The following BBS2 variants were observed in gnomAD, a reference collection of about 807,000 sequenced individuals.
BBS2 encodes BBSome complex member BBS2.
BBS2 carries 62 observed loss-of-function variants against 83.0 expected under a neutral mutation model. That is an observed-to-expected ratio of 0.75 (90% CI 0.61 to 0.92). The LOEUF is 0.92. Among genes scored for constraint, BBS2 ranks in the 40% least tolerant of loss-of-function variants. The probability of loss-of-function intolerance (pLI) is 0.00; values close to 1 mark genes in which losing one functional copy is unlikely to be tolerated. For synonymous variants in BBS2, 303 were observed against 326.1 expected, an observed-to-expected ratio of 0.93 and a Z score of 0.76; for missense variants, 784 against 901.0, an observed-to-expected ratio of 0.87 and a Z score of 1.66.
intron 10 of BBS2, 58 bp downstream of exon 10, chr16:56,501,295 A>G (rs1964263927): frequency 1.9e-6 from 3 of 1,598,548 alleles, no homozygotes; most frequent in Non-Finnish European, 2.6e-6. Flanking sequence ...AAAAAAAAAA[A>G]GAATGACTCC....
In BBS2 at chr16:56,477,910, T is replaced by C. The variant is rs188279210; in HGVS notation, c.*6851A>G. Reference sequence around the variant, plus strand: ...AAATGAAAATGACTTTCGCTTTGGCTTTTAGGTTTAGTTTCAAAAAGGTTT... The same window carrying C: ...AAATGAAAATGACTTTCGCTTTGGCCTTTAGGTTTAGTTTCAAAAAGGTTT... On this transcript the variant is annotated intron_variant, in intron 17 of 17. Transcript: ENST00000682047. 6.1e-4 allele frequency: 93 copies of C among 152,350 alleles called. 1 individual carries two copies. The highest frequency in any genetic ancestry group is 2.2e-3 in the African/African-American group (93 of 41,584). 9.4% of individuals were successfully genotyped at this position (152,350 alleles called of 1,614,324 possible). A position where few individuals can be genotyped will look rare whatever the true frequency, so the allele number is the denominator to read the frequency against.
intron 17 of BBS2, among the ~76,000 whole-genome samples, chr16:56,472,447 T>C (rs1963243064): frequency 6.6e-6 from 1 of 152,218 alleles, no homozygotes; most frequent in Non-Finnish European, 1.5e-5. Flanking sequence ...GAAAAGTCAC[T>C]GTTTACGAAG....
chr16:56,479,150 A>G (rs1468350178), intron 17 of BBS2: 1 of 152,206 alleles, frequency 6.6e-6, no homozygotes, highest in Non-Finnish European at 1.5e-5. Context: ...TCCAATTCTT[A>G]TAACTCCCAT....
At chr16:56,517,190 C>T (rs1964774083) in intron 1 of BBS2, among the ~76,000 whole-genome samples, 1 of 152,120 alleles carries the variant, frequency 6.6e-6, no homozygotes, top group African/African-American at 2.4e-5. Context: ...AGCCAGTTAG[C>T]CTTTATCTAA....
Position 56,490,149 on chromosome 16 carries a change from CAA to C in BBS2, c.1911-4413_1911-4412del, listed in dbSNP as rs1329110345. On this transcript the variant is annotated intron_variant, in intron 15 of 16. Coordinates refer to ENST00000245157, the MANE Select transcript of BBS2 (RefSeq NM_031885.5). Reference sequence around the variant, plus strand: ...ACACGCACACACACACACACACACACAAAAATAATAATAATATAATAATAATG... The same window carrying C: ...ACACGCACACACACACACACACACACAAATAATAATAATATAATAATAATG... Among the ~76,000 whole-genome samples the C allele has an allele frequency of 5.3e-3, 735 of 139,152 alleles. 8 individuals carry two copies. Among genetic ancestry groups the C allele is most frequent in the African/African-American group, 0.019 (670 of 35,984 alleles). 91.3% of individuals were successfully genotyped at this position (139,152 alleles called of 152,430 possible). A position where few individuals can be genotyped will look rare whatever the true frequency, so the allele number is the denominator to read the frequency against.
intron 17 of BBS2, among the ~76,000 whole-genome samples, chr16:56,473,753 T>C (rs1304480233): frequency 6.6e-6 from 1 of 152,198 alleles, no homozygotes; most frequent in Non-Finnish European, 1.5e-5. Flanking sequence ...ATTTTTCCTT[T>C]GGGCTTTTTG....
At chr16:56,470,435 G>T in exon 18 of BBS2, 1 of 1,488,050 alleles carries the variant, frequency 6.7e-7, no homozygotes. Context: ...TATTCTGTGA[G>T]TCATTTTACA....
intron 17 of BBS2, chr16:56,476,287 G>T: frequency 3.8e-6 from 5 of 1,303,190 alleles, no homozygotes; most frequent in Non-Finnish European, 5.3e-6. Context: ...GAGTCAAGGA[G>T]AACTACATGG....
At chr16:56,505,365 T>C (rs1386885827) in intron 7 of BBS2, among the ~76,000 whole-genome samples, 2 of 152,140 alleles carry the variant, frequency 1.3e-5, no homozygotes, top group Non-Finnish European at 2.9e-5. Flanking sequence ...CTTCAGGCAA[T>C]CCAACACTGA....
chr16:56,477,763 A>G (rs1174493181), intron 17 of BBS2: 3 of 152,236 alleles, frequency 2.0e-5, no homozygotes, highest in African/African-American at 7.2e-5. Flanking sequence ...CTTTTGCAGT[A>G]GTGTTTAGTG....
Position 56,471,947 on chromosome 16 carries a change from C to T in BBS2, c.*1-1252G>A, listed in dbSNP as rs140829277. 4.5e-3 allele frequency among the ~76,000 whole-genome samples: 670 copies of T among 147,560 alleles called. 3 individuals are homozygous for T. The highest frequency in any genetic ancestry group is 6.8e-3 in the Non-Finnish European group (454 of 67,078). ...CAAAGGGATTTTTTAAAAAACTTAT[C>T]CACTTCTGTTTGTTTGTTTGTTTGT... On this transcript the variant is annotated intron_variant, in intron 17 of 17. Transcript: ENST00000682047.
intron 1 of BBS2, among the ~76,000 whole-genome samples, chr16:56,518,790 G>A (rs1658238724): frequency 2.0e-5 from 2 of 100,386 alleles, no homozygotes; most frequent in Non-Finnish European, 5.1e-5. Context: ...CTGAAAGTAG[G>A]GACTCCTTTT....
At chr16:56,471,825 G>A (rs1359015795) in intron 17 of BBS2, among the ~76,000 whole-genome samples, 1 of 152,252 alleles carries the variant, frequency 6.6e-6, no homozygotes, top group Non-Finnish European at 1.5e-5. Flanking sequence ...ACACAGGGTA[G>A]CCTTTCTTTG....
chr16:56,479,237 C>CCG (rs1192907720), intron 17 of BBS2: 12 of 152,356 alleles, frequency 7.9e-5, no homozygotes, highest in African/African-American at 2.9e-4. Flanking sequence ...TTGGGAGGCC[C>CCG]CGAGGCTGGC....
At position 56,516,993 on chromosome 16, in the gene BBS2, TTTA is replaced by T. The variant is rs879900191; in HGVS notation, c.118-2316_118-2314del. Reference sequence around the variant, plus strand: ...AGGACAAGGGATCTCCTTTATTTTATTTATTATTATTATTATTATTATTAGGCC... The same window carrying T: ...AGGACAAGGGATCTCCTTTATTTTATTTATTATTATTATTATTATTAGGCC... On this transcript the variant is annotated intron_variant, in intron 1 of 16. Coordinates refer to ENST00000245157, the MANE Select transcript of BBS2 (RefSeq NM_031885.5). Among the ~76,000 whole-genome samples, 133 of 150,980 alleles carry T rather than the reference TTTA, an allele frequency of 8.8e-4. 1 individual carries two copies. Among genetic ancestry groups the T allele is most frequent in the East Asian group, 3.5e-3 (18 of 5,164 alleles).
intron 17 of BBS2, chr16:56,475,046 T>C (rs1368805082): frequency 2.2e-6 from 3 of 1,336,648 alleles, no homozygotes; most frequent in Non-Finnish European, 2.1e-6. Context: ...ATAAGTAATT[T>C]GCCTAGTTCA....
At chr16:56,480,367 A>AAAAAAAAAAAAAAAAAAAAAAAG (rs1963639440), downstream of BBS2, among the ~76,000 whole-genome samples, 1 of 113,462 alleles carries the variant, frequency 8.8e-6, no homozygotes. Context: ...AAAAAAAAAC[A>AAAAAAAAAAAAAAAAAAAAAAAG]AAAAAAAAAA....
chr16:56,514,403 T>C, intron 2 of BBS2, 50 bp downstream of exon 2: 1 of 1,515,800 alleles, frequency 6.6e-7, no homozygotes, highest in East Asian at 2.3e-5. Context: ...GCATAAAAAA[T>C]GGACATTAAT....
chr16:56,475,653 A>G (rs556429459), intron 17 of BBS2: 2 of 1,042,056 alleles, frequency 1.9e-6, no homozygotes, highest in South Asian at 2.6e-5. Context: ...ACCTTCTACC[A>G]GTGTCTTTAG....
Sources: allele counts gnomAD v4.1 joint callset (sites outside exome capture counted in the v4.1 genomes callset), GRCh38; gene constraint gnomAD v4.1.1; transcripts MANE v1.5; gene names NCBI Gene and HGNC (gene_info 2026-07-23, HGNC 2026-07-21).